The following ZNF578 variants were observed in gnomAD, a reference collection of about 807,000 sequenced individuals.
ZNF578 encodes zinc finger protein 578.
A neutral mutation model predicts 8.3 loss-of-function variants in ZNF578; 8 were observed. The observed-to-expected ratio is 0.96, with a 90% CI of 0.56 to 1.74. ZNF578 has a LOEUF of 1.74. Among genes scored for constraint, ZNF578 ranks in the 40% most tolerant of loss-of-function variants. The probability of loss-of-function intolerance (pLI) is 0.00; values close to 1 mark genes in which losing one functional copy is unlikely to be tolerated. For missense variants in ZNF578, 726 were observed against 707.5 expected (o/e 1.03, Z -0.30); for synonymous variants, 206 against 232.2 (o/e 0.89, Z 1.03).
intron 2 of ZNF578, among the ~76,000 whole-genome samples, chr19:52,469,950 C>T (rs2059287027): frequency 6.6e-6 from 1 of 152,126 alleles, no homozygotes; most frequent in Non-Finnish European, 1.5e-5. Flanking sequence ...TCAGCCTCAC[C>T]AGGTATCTAT....
intron 2 of ZNF578, among the ~76,000 whole-genome samples, chr19:52,481,835 A>G (rs1218104541): frequency 2.0e-5 from 3 of 151,944 alleles, no homozygotes; most frequent in African/African-American, 7.3e-5. Flanking sequence ...GGCTCAAGCA[A>G]TCCTCCTACT....
At position 52,515,481 on chromosome 19, in the gene ZNF578, C is replaced by A. The variant is rs1159843912; in HGVS notation, c.*3327C>A. On this transcript the variant is annotated 3_prime_UTR_variant, in exon 6 of 6. Coordinates refer to ENST00000421239, the MANE Select transcript of ZNF578 (RefSeq NM_001099694.2). ...GCCCAGGTTTGTGAAAGAGGTTTCTCTAATTTTCAAGGATGGGGGTGATAA... is the reference window on the plus strand; with the variant it reads ...GCCCAGGTTTGTGAAAGAGGTTTCTATAATTTTCAAGGATGGGGGTGATAA... Among the ~76,000 whole-genome samples the A allele has an allele frequency of 6.6e-6, 1 of 152,172 alleles. No homozygotes were observed. Among genetic ancestry groups the A allele is most frequent in the Non-Finnish European group, 1.5e-5 (1 of 68,024 alleles).
chr19:52,498,573 C>T (rs775603484), intron 3 of ZNF578, among the ~76,000 whole-genome samples: 1 of 151,758 alleles, frequency 6.6e-6, no homozygotes, highest in African/African-American at 2.4e-5. Flanking sequence ...TTAGTAGAGA[C>T]GTGATGTCAC....
intron 2 of ZNF578, among the ~76,000 whole-genome samples, chr19:52,463,587 A>T (rs537340103): frequency 6.6e-6 from 1 of 152,268 alleles, no homozygotes; most frequent in South Asian, 2.1e-4. Flanking sequence ...ATTCCCAGGC[A>T]TGCACAACTG....
In ZNF578 at chr19:52,513,948, C is replaced by G. The variant is rs1241712846; in HGVS notation, c.*1794C>G. Among the ~76,000 whole-genome samples the G allele has an allele frequency of 6.6e-6, 1 of 151,990 alleles. No individual in the cohort carries two copies. The highest frequency in any genetic ancestry group is 1.5e-5 in the Non-Finnish European group (1 of 68,014). ...ACTGAGGCATGAGAATCACTTAAAC[C>G]TGGGAGGTAGAGGTTACAGCGAATC... On this transcript the variant is annotated 3_prime_UTR_variant, in exon 6 of 6. Coordinates refer to ENST00000421239, the MANE Select transcript of ZNF578 (RefSeq NM_001099694.2).
chr19:52,466,286 A>G (rs1438114377), intron 2 of ZNF578, among the ~76,000 whole-genome samples: 1 of 152,234 alleles, frequency 6.6e-6, no homozygotes, highest in Non-Finnish European at 1.5e-5. Flanking sequence ...AGGAGCCAGC[A>G]AGTCTGGCCA....
chr19:52,496,069 G>A (rs2059385011), intron 3 of ZNF578, among the ~76,000 whole-genome samples: 1 of 151,974 alleles, frequency 6.6e-6, no homozygotes, highest in Admixed American at 6.6e-5. Flanking sequence ...ACGCAGGCTG[G>A]AGTGGAGTGG....
intron 2 of ZNF578, among the ~76,000 whole-genome samples, chr19:52,478,451 A>G (rs1050869639): frequency 3.9e-5 from 6 of 152,158 alleles, no homozygotes; most frequent in African/African-American, 1.4e-4. Context: ...TCTGCTACCG[A>G]AGGAGGCGGT....
chr19:52,510,410 T>G (rs2062897556), intron 5 of ZNF578, among the ~76,000 whole-genome samples, 162 bp from the exon 6 acceptor site: 2 of 152,206 alleles, frequency 1.3e-5, no homozygotes, highest in Admixed American at 1.3e-4. Context: ...TGTAATTGTC[T>G]GTTATTTATT....
chr19:52,469,393 C>G lies in ZNF578; in HGVS notation c.-122+12435C>G, dbSNP rs2059285324. Among the ~76,000 whole-genome samples the G allele has an allele frequency of 3.3e-5, 5 of 152,230 alleles. No individual in the cohort carries two copies. The South Asian group carries it at 1.0e-3, about 32-fold the overall frequency. ...CAGGCTGATCTCGAACTCCCGAGCTCAAGTAATCCACCTGCCTTGGCCTCC... is the reference window on the plus strand; with the variant it reads ...CAGGCTGATCTCGAACTCCCGAGCTGAAGTAATCCACCTGCCTTGGCCTCC... On this transcript the variant is annotated intron_variant, in intron 2 of 5. Transcript: ENST00000421239.
At chr19:52,477,693 A>G (rs1464462177) in intron 2 of ZNF578, among the ~76,000 whole-genome samples, 1 of 151,984 alleles carries the variant, frequency 6.6e-6, no homozygotes, top group Non-Finnish European at 1.5e-5. Context: ...ATTGTGGAGC[A>G]ATGCAGCTCA....
intron 2 of ZNF578, among the ~76,000 whole-genome samples, chr19:52,470,978 A>G (rs1163308674): frequency 6.6e-6 from 1 of 152,124 alleles, no homozygotes; most frequent in Non-Finnish European, 1.5e-5. Flanking sequence ...CTACCATTGC[A>G]ATAGTGAGTT....
Position 52,472,450 on chromosome 19 carries a change from C to G in ZNF578, c.-122+15492C>G, listed in dbSNP as rs1401858898. Among the ~76,000 whole-genome samples the G allele has an allele frequency of 3.3e-5, 5 of 152,292 alleles. No homozygotes were observed. In the East Asian group the frequency reaches 7.7e-4, roughly 23 times the overall value. On this transcript the variant is annotated intron_variant, in intron 2 of 5. Transcript: ENST00000421239. ...GGCAGTTTTCATTAAACTCTCTACT[C>G]TGATATAACTGTTCTCTCTTCCATT...
chr19:52,508,352 TAGAG>T lies in ZNF578; in HGVS notation c.191-2210_191-2207del, dbSNP rs35598512. Among the ~76,000 whole-genome samples, 738 of 149,626 alleles carry T rather than the reference TAGAG, an allele frequency of 4.9e-3. 22 individuals carry two copies. Among genetic ancestry groups the T allele is most frequent in the Middle Eastern group, 3.4e-3 (1 of 292 alleles). On this transcript the variant is annotated intron_variant, in intron 5 of 5. Coordinates refer to ENST00000421239, the MANE Select transcript of ZNF578 (RefSeq NM_001099694.2). Reference sequence around the variant, plus strand: ...GAGCAAGACTCCATCACAAAAGAAATAGAGAGAGAGAGAAAGAGAAAGTGAAAGA... The same window carrying T: ...GAGCAAGACTCCATCACAAAAGAAATAGAGAGAGAAAGAGAAAGTGAAAGA...
chr19:52,506,007 C>T (rs143551660), intron 5 of ZNF578, among the ~76,000 whole-genome samples: 1 of 151,772 alleles, frequency 6.6e-6, no homozygotes, highest in Non-Finnish European at 1.5e-5. Context: ...AAGTGATTCT[C>T]CTGCCTCAGC....
In ZNF578 at chr19:52,503,380, C is replaced by G. The variant is rs1426102583; in HGVS notation, c.64-1275C>G. On this transcript the variant is annotated intron_variant, in intron 4 of 5. Transcript: ENST00000421239. ...ACTTTTTTTGAGATGGAGTCTCTCT[C>G]TGTTGCCCAGGTTGTATTGCAGTGG... 2.0e-5 allele frequency among the ~76,000 whole-genome samples: 3 copies of G among 152,200 alleles called. 1 individual carries two copies. The highest frequency in any genetic ancestry group is 7.2e-5 in the African/African-American group (3 of 41,468).
At chr19:52,507,708 G>C (rs622805) in intron 5 of ZNF578, among the ~76,000 whole-genome samples, 48,044 of 152,064 alleles carry the variant, frequency 0.32, 7,822 homozygotes, top group African/African-American at 0.34. Context: ...GTCCTGACAT[G>C]GGGGAAAGAG....
intron 1 of ZNF578, chr19:52,455,947 C>G (rs569585192): frequency 1.3e-5 from 2 of 152,434 alleles, no homozygotes; most frequent in East Asian, 3.9e-4. Context: ...TGACCTCATC[C>G]GCTACCTGTG....
chr19:52,485,793 C>T (rs1284232984), intron 2 of ZNF578, among the ~76,000 whole-genome samples: 2 of 151,934 alleles, frequency 1.3e-5, no homozygotes, highest in Admixed American at 6.6e-5. Context: ...GTCATCACCA[C>T]TCCCTATTCT....
Sources: gnomAD v4.1 joint callset for allele counts (sites outside exome capture counted in the v4.1 genomes callset) on GRCh38, gnomAD v4.1.1 for gene constraint, MANE v1.5 for transcripts, NCBI Gene and HGNC (gene_info 2026-07-23, HGNC 2026-07-21) for gene names.